Variants in SPTBN2 observed in about 807,000 individuals in gnomAD.
The protein encoded by SPTBN2 is spectrin beta, non-erythrocytic 2, also known as spectrin beta chain, non-erythrocytic 2.
In SPTBN2, 107 loss-of-function variants were observed where a neutral mutation model predicts 284.2. That is an observed-to-expected ratio of 0.38 (90% CI 0.32 to 0.44). The LOEUF is 0.44. Ranked by LOEUF, SPTBN2 falls within the 20% of genes least tolerant of loss-of-function variation. SPTBN2 has a pLI of 1.00. For missense variants in SPTBN2, 2,569 were observed against 3,287.1 expected, an observed-to-expected ratio of 0.78 and a Z score of 5.34; for synonymous variants, 1,289 against 1,354.8, an observed-to-expected ratio of 0.95 and a Z score of 1.07.
In SPTBN2 at chr11:66,688,054, T is replaced by C. The variant is rs1005242263; in HGVS notation, c.6400A>G (p.Thr2134Ala). The C allele has an allele frequency of 1.9e-6, 3 of 1,614,130 alleles. No individual in the cohort carries two copies. Among genetic ancestry groups the C allele is most frequent in the African/African-American group, 1.3e-5 (1 of 75,028 alleles). ...ACTCCATTAACACTGGGTGCTTGTG[T>C]GGATGGTGGTGGCCGTGGCTGGGTT... ...DGTQPRPPPS[T>A]QAPSVNGVCT... The change falls in exon 33 of 38, where the codon ACA becomes GCA. Residue 2134 changes from threonine to alanine, a missense_variant. Coordinates refer to ENST00000533211, the MANE Select transcript of SPTBN2 (RefSeq NM_006946.4).
chr11:66,727,150 T>C (rs1942646363), intron 1 of SPTBN2, among the ~76,000 whole-genome samples: 1 of 152,224 alleles, frequency 6.6e-6, no homozygotes, highest in Non-Finnish European at 1.5e-5. Flanking sequence ...GGGAAGAATG[T>C]AAACTCCATC....
In SPTBN2 at chr11:66,693,505, C is replaced by A; in HGVS notation, c.4594-59G>T. ...GTCCTGCCCCAGCCCCACGTGCTCCCGGAGACCACCCTTCACCCCTGTGCC... is the reference window on the plus strand; with the variant it reads ...GTCCTGCCCCAGCCCCACGTGCTCCAGGAGACCACCCTTCACCCCTGTGCC... On this transcript the variant is annotated intron_variant, in intron 23 of 37. Coordinates refer to ENST00000533211, the MANE Select transcript of SPTBN2 (RefSeq NM_006946.4). This position sits in a 1 kb window ranked among gnomAD's most constrained non-coding sequence, Gnocchi z 5.7. 2 of 1,555,218 alleles carry A rather than the reference C, an allele frequency of 1.3e-6. No individual in the cohort carries two copies. The highest frequency in any genetic ancestry group is 1.2e-5 in the South Asian group (1 of 86,208).
intron 8 of SPTBN2, chr11:66,712,894 G>C (rs1021352917): frequency 6.5e-6 from 1 of 153,092 alleles, no homozygotes; most frequent in Non-Finnish European, 1.5e-5. Context: ...GCTGAATTTA[G>C]TGTAGATATC....
Position 66,715,788 on chromosome 11 carries a change from T to C in SPTBN2, c.309+42A>G. On this transcript the variant is annotated intron_variant, in intron 4 of 37. Coordinates refer to ENST00000533211, the MANE Select transcript of SPTBN2 (RefSeq NM_006946.4). This position sits in a 1 kb window ranked among gnomAD's most constrained non-coding sequence, Gnocchi z 5.3. ...TCTTCCAGCTGGTCCCCTTGGACAC[T>C]TTTCTAAGGCCCCCCCACTTCCCTT... 6.2e-7 allele frequency: 1 copy of C among 1,610,432 alleles called. No homozygotes were observed. Among genetic ancestry groups the C allele is most frequent in the Non-Finnish European group, 8.5e-7 (1 of 1,178,774 alleles).
Position 66,700,656 on chromosome 11 carries a change from T to G in SPTBN2, c.3443A>C (p.Glu1148Ala), listed in dbSNP as rs1941185893. The G allele has an allele frequency of 6.2e-7, 1 of 1,607,578 alleles. No individual in the cohort carries two copies. Among genetic ancestry groups the G allele is most frequent in the Non-Finnish European group, 8.5e-7 (1 of 1,179,898 alleles). The change falls in exon 17 of 38, where the codon GAG (glutamate) becomes GCG (alanine). Residue 1148 changes from glutamate to alanine, a missense_variant. By Grantham distance (107) the Glu-to-Ala change is moderately radical. Transcript: ENST00000533211. The surrounding 1 kb of genome is among the most constrained non-coding windows in gnomAD (Gnocchi z 6.6). ...PQCLFLRQRL[E>A]ALGTGWEELG... ...CTCCTCCCAGCCAGTTCCCAGGGCC[T>G]CCAGTCGCTGTCGTAGGAAGAGGCA... is the stretch of plus-strand genomic sequence containing the variant.
At chr11:66,736,092 C>T (rs559486863) in intron 1 of SPTBN2, among the ~76,000 whole-genome samples, 58 of 152,202 alleles carry the variant, frequency 3.8e-4, no homozygotes, top group Non-Finnish European at 5.7e-4. Flanking sequence ...CAAAAGTCTG[C>T]AAATGAGCCA....
chr11:66,707,845 G>A lies in SPTBN2; in HGVS notation c.1351-27C>T, dbSNP rs757483578. 3 of 1,604,274 alleles carry A rather than the reference G, an allele frequency of 1.9e-6. No homozygotes were observed. In the African/African-American group the frequency reaches 4.0e-5, roughly 21 times the overall value. ...TGTGTCGGGGGCAGGGAGAGGAGGT[G>A]TGGGGACCAAGGGACAGTGCCTCTG... On this transcript the variant is annotated intron_variant, in intron 12 of 37. Transcript: ENST00000533211. This position sits in a 1 kb window ranked among gnomAD's most constrained non-coding sequence, Gnocchi z 4.9.
intron 15 of SPTBN2, among the ~76,000 whole-genome samples, chr11:66,702,628 A>G (rs1046338820): frequency 3.9e-5 from 6 of 152,044 alleles, no homozygotes; most frequent in African/African-American, 1.4e-4. Context: ...GGGCGAGTGT[A>G]GCTCTGTTCC....
intron 15 of SPTBN2, among the ~76,000 whole-genome samples, chr11:66,703,501 G>A (rs1427406803): frequency 6.6e-6 from 1 of 152,172 alleles, no homozygotes; most frequent in Non-Finnish European, 1.5e-5. Context: ...GGGAGGCCAA[G>A]CCGGGTGGAT....
At position 66,710,941 on chromosome 11, in the gene SPTBN2, G is replaced by A. The variant is rs201014357; in HGVS notation, c.861C>T (p.Ala287=). 2.2e-5 allele frequency: 36 copies of A among 1,614,050 alleles called. No homozygotes were observed. The highest frequency in any genetic ancestry group is 8.9e-5 in the East Asian group (4 of 44,896). Residue 287 remains alanine (A), a synonymous_variant, in exon 9 of 38, where the codon GCC becomes GCT. Transcript: ENST00000533211. The surrounding 1 kb of genome is among the most constrained non-coding windows in gnomAD (Gnocchi z 4.9). ...YHYFSKMKAL[A]VEGKRIGKVL... is the part of the protein sequence containing the mutation. ...CCTTGCCAATTCTCTTGCCTTCCAC[G>A]GCCAGGGCCTTCATCTTGGAGAAGT...
At chr11:66,721,324 C>T (rs566610419) in intron 2 of SPTBN2, 26 bp downstream of exon 2, 153 of 1,569,868 alleles carry the variant, frequency 9.7e-5, no homozygotes, top group South Asian at 2.0e-4. Flanking sequence ...CACTCACCAC[C>T]GGGGCCTTCT....
rs1940082695 is a variant in SPTBN2 at position 66,686,006 on chromosome 11, G to A, written c.7038C>T (p.Thr2346=). 2 of 1,613,472 alleles carry A rather than the reference G, an allele frequency of 1.2e-6. No individual in the cohort carries two copies. The highest frequency in any genetic ancestry group is 1.7e-6 in the Non-Finnish European group (2 of 1,179,972). ...EPEEPVVPST[T]RGMTRAMTMP... ...TGGTCATGGCCCGGGTCATGCCCCG[G>A]GTGGTGCTGGGCACCACCGGCTCTT... is the stretch of plus-strand genomic sequence containing the variant. The change falls in exon 38 of 38, where the codon ACC becomes ACT. Residue 2346 remains threonine (T), a synonymous_variant. Transcript: ENST00000533211.
chr11:66,725,232 G>A (rs1372701469), intron 1 of SPTBN2, among the ~76,000 whole-genome samples: 3 of 152,192 alleles, frequency 2.0e-5, no homozygotes. Flanking sequence ...CAACTCCACA[G>A]CCTTCCATGT....
intron 1 of SPTBN2, among the ~76,000 whole-genome samples, chr11:66,734,726 T>G (rs796878705): frequency 2.9e-4 from 44 of 152,314 alleles, no homozygotes; most frequent in African/African-American, 9.9e-4. Context: ...ACACAATTAT[T>G]TCACAGTTGT....
chr11:66,702,738 A>T lies in SPTBN2; in HGVS notation c.2679-1017T>A, dbSNP rs1443416453. ...TGGATCACAAGGTCAGGAGATCGAG[A>T]CCATCCTGGCTAACACGGTGAAACC... is the stretch of plus-strand genomic sequence containing the variant. On this transcript the variant is annotated intron_variant, in intron 15 of 37. Transcript: ENST00000533211. Among the ~76,000 whole-genome samples, 4 of 151,798 alleles carry T rather than the reference A, an allele frequency of 2.6e-5. No individual in the cohort carries two copies. The East Asian group carries it at 8.0e-4, about 30-fold the overall frequency.
rs1940033061 is a variant in SPTBN2, at chr11:66,685,287, A to G, written c.*584T>C. The G allele has an allele frequency of 6.2e-6, 1 of 161,852 alleles. No individual in the cohort carries two copies. The highest frequency in any genetic ancestry group is 2.5e-5 in the African/African-American group (1 of 40,696). The allele number at this position is 161,852 out of a possible 1,614,324, so 10.0% of individuals were successfully genotyped here. A position where few individuals can be genotyped will look rare whatever the true frequency, so the allele number is the denominator to read the frequency against. On this transcript the variant is annotated 3_prime_UTR_variant, in exon 38 of 38. Coordinates refer to ENST00000533211, the MANE Select transcript of SPTBN2 (RefSeq NM_006946.4). This position sits in a 1 kb window ranked among gnomAD's most constrained non-coding sequence, Gnocchi z 4.4. ...GCTGTTTAATCACCTCCTTGGCCAG[A>G]CTCAAGGCGGTGGCTGTCCCCGAAC...
At position 66,687,941 on chromosome 11, in the gene SPTBN2, A is replaced by C. The variant is rs777772673; in HGVS notation, c.6451-23T>G. 6.2e-7 allele frequency: 1 copy of C among 1,614,162 alleles called. No homozygotes were observed. The highest frequency in any genetic ancestry group is 8.5e-7 in the Non-Finnish European group (1 of 1,180,024). On this transcript the variant is annotated intron_variant, in intron 33 of 37. Coordinates refer to ENST00000533211, the MANE Select transcript of SPTBN2 (RefSeq NM_006946.4). This position sits in a 1 kb window ranked among gnomAD's most constrained non-coding sequence, Gnocchi z 5.2. ...GGGCTGCAAGGACAAGAATCTGTAA[A>C]AGGATGTGCGGGGGTGGAGGGGCTA...
intron 1 of SPTBN2, among the ~76,000 whole-genome samples, chr11:66,743,907 T>A (rs1942926765): frequency 6.6e-6 from 1 of 150,430 alleles, no homozygotes; most frequent in African/African-American, 2.4e-5. Context: ...TTTGCCCAGG[T>A]TGGAGTGCAA....
At position 66,713,219 on chromosome 11, in the gene SPTBN2, TA is replaced by T. The variant is rs113666247; in HGVS notation, c.772+411del. Among the ~76,000 whole-genome samples the T allele has an allele frequency of 5.3e-3, 722 of 136,316 alleles. 5 individuals are homozygous for T. The highest frequency in any genetic ancestry group is 0.013 in the African/African-American group (478 of 37,264). 89.4% of individuals were successfully genotyped at this position (136,316 alleles called of 152,430 possible). A position where few individuals can be genotyped will look rare whatever the true frequency, so the allele number is the denominator to read the frequency against. On this transcript the variant is annotated intron_variant, in intron 8 of 37. Coordinates refer to ENST00000533211, the MANE Select transcript of SPTBN2 (RefSeq NM_006946.4). ...TTTCTTCCTACCTACAGTCTTTTGT[TA>T]AAAAAAAAAAAAACCTGAGAAATGA...
Sources: gnomAD v4.1 joint callset for allele counts (sites outside exome capture counted in the v4.1 genomes callset) on GRCh38, gnomAD v4.1.1 for gene constraint, Gnocchi (gnomAD v3.1) non-coding constraint, MANE v1.5 for transcripts, NCBI Gene and HGNC (gene_info 2026-07-23, HGNC 2026-07-21) for gene names.